PGCKA1: variants seen among roughly 807,000 people sequenced by gnomAD.
PGCKA1 encodes PDCD10 and GCKIII kinases-associated protein 1.
the PGCKA1 span, among the ~76,000 whole-genome samples, chr4:37,563,062 A>G: frequency 2.5e-5 from 1 of 40,364 alleles, no homozygotes; most frequent in Admixed American, 3.0e-4. Context: ...ATCTACAATT[A>G]GGGGACAAAT....
chr4:37,550,339 T>C, the PGCKA1 span, among the ~76,000 whole-genome samples: 1 of 151,266 alleles, frequency 6.6e-6, no homozygotes, highest in Non-Finnish European at 1.5e-5. Context: ...TGCAGTTCTC[T>C]AGACTGGAAA....
chr4:37,565,386 A>G, the PGCKA1 span, among the ~76,000 whole-genome samples: 1 of 152,036 alleles, frequency 6.6e-6, no homozygotes, highest in East Asian at 1.9e-4. Flanking sequence ...GGGGGCTCTG[A>G]GATTGGCTCA....
the PGCKA1 span, among the ~76,000 whole-genome samples, chr4:37,492,405 G>T: frequency 2.0e-5 from 3 of 152,178 alleles, no homozygotes; most frequent in Non-Finnish European, 4.4e-5. This position sits in a 1 kb window ranked among gnomAD's most constrained non-coding sequence, Gnocchi z 4.7. Context: ...CTCACTGATG[G>T]TGATTCTCAC....
the PGCKA1 span, among the ~76,000 whole-genome samples, chr4:37,504,657 C>T: frequency 6.6e-6 from 1 of 151,944 alleles, no homozygotes; most frequent in African/African-American, 2.4e-5. Context: ...TTGGCTAATT[C>T]CTAGGTATTT....
chr4:37,467,338 A>G, the PGCKA1 span, among the ~76,000 whole-genome samples: 3 of 152,212 alleles, frequency 2.0e-5, no homozygotes, highest in Non-Finnish European at 2.9e-5. Context: ...TTATAGGGGC[A>G]TTTACAAACT....
chr4:37,527,020 G>C, the PGCKA1 span, among the ~76,000 whole-genome samples: 2 of 152,120 alleles, frequency 1.3e-5, no homozygotes, highest in Admixed American at 6.5e-5. Context: ...CAGTGATACT[G>C]ACAATCCTGG....
chr4:37,580,239 A>G, the PGCKA1 span, among the ~76,000 whole-genome samples: 3 of 150,958 alleles, frequency 2.0e-5, no homozygotes, highest in Non-Finnish European at 4.4e-5. Flanking sequence ...TCTGTCAGAA[A>G]AGTCATATAT....
At chr4:37,468,426 A>G in the PGCKA1 span, among the ~76,000 whole-genome samples, 30 of 152,274 alleles carry the variant, frequency 2.0e-4, no homozygotes, top group African/African-American at 5.5e-4. Flanking sequence ...GTAGCTCCCC[A>G]GGGGCAATTA....
the PGCKA1 span, chr4:37,588,352 C>G: frequency 6.5e-6 from 1 of 155,014 alleles, no homozygotes; most frequent in African/African-American, 2.4e-5. Flanking sequence ...GGGCCTGAAT[C>G]ATGGGACACA....
chr4:37,544,506 A>AT, the PGCKA1 span, among the ~76,000 whole-genome samples: 102,577 of 149,774 alleles, frequency 0.68, 35,265 homozygotes, highest in Non-Finnish European at 0.73. Flanking sequence ...TGGTCTTCTA[A>AT]TTTTTTTTTA....
chr4:37,471,707 G>C, the PGCKA1 span, among the ~76,000 whole-genome samples: 17 of 152,298 alleles, frequency 1.1e-4, no homozygotes, highest in Admixed American at 1.0e-3. Flanking sequence ...ATTTAAATGG[G>C]AGAGGGGAGG....
At chr4:37,509,022 A>G in the PGCKA1 span, among the ~76,000 whole-genome samples, 1 of 151,294 alleles carries the variant, frequency 6.6e-6, no homozygotes, top group South Asian at 2.1e-4. Context: ...ACAGCATCCC[A>G]AGGCAGAAGA....
At chr4:37,512,301 T>A in the PGCKA1 span, among the ~76,000 whole-genome samples, 2 of 152,164 alleles carry the variant, frequency 1.3e-5, no homozygotes, top group Non-Finnish European at 2.9e-5. Flanking sequence ...TTCATCCATC[T>A]TGCTCCAGCA....
At chr4:37,510,367 A>C in the PGCKA1 span, among the ~76,000 whole-genome samples, 1 of 152,110 alleles carries the variant, frequency 6.6e-6, no homozygotes, top group Non-Finnish European at 1.5e-5. Context: ...AAGGCTTTAT[A>C]GGTATTCAGA....
chr4:37,458,045 T>G, the PGCKA1 span, among the ~76,000 whole-genome samples: 1 of 152,156 alleles, frequency 6.6e-6, no homozygotes, highest in African/African-American at 2.4e-5. Context: ...AAGTACTGCC[T>G]TTTGGTAAAA....
chr4:37,549,847 C>A, the PGCKA1 span, among the ~76,000 whole-genome samples: 1 of 152,132 alleles, frequency 6.6e-6, no homozygotes, highest in East Asian at 1.9e-4. Context: ...AAGAAGACAG[C>A]AAGCCCTGCT....
the PGCKA1 span, chr4:37,558,010 C>A: frequency 6.6e-6 from 1 of 152,216 alleles, no homozygotes; most frequent in African/African-American, 2.4e-5. Context: ...CAATGTTCAA[C>A]TTTTTTGTTG....
chr4:37,504,260 G>T, the PGCKA1 span, among the ~76,000 whole-genome samples: 1 of 151,978 alleles, frequency 6.6e-6, no homozygotes, highest in East Asian at 1.9e-4. Context: ...TTTATTTCTG[G>T]GTTCTCTATT....
chr4:37,582,187 C>T, the PGCKA1 span, among the ~76,000 whole-genome samples: 3 of 152,130 alleles, frequency 2.0e-5, no homozygotes, highest in Non-Finnish European at 2.9e-5. Flanking sequence ...CTCTTTAGTG[C>T]CTCTTTCAGC....
Sources: allele counts gnomAD v4.1 joint callset (sites outside exome capture counted in the v4.1 genomes callset), GRCh38; gene constraint gnomAD v4.1.1; non-coding constraint Gnocchi (gnomAD v3.1); transcripts MANE v1.5; gene names NCBI Gene and HGNC (gene_info 2026-07-23, HGNC 2026-07-21).